Variants in BBS9 observed in about 807,000 individuals in gnomAD.
BBS9 encodes protein PTHB1.
BBS9 carries 89 observed loss-of-function variants against 117.7 expected under a neutral mutation model. That is an observed-to-expected ratio of 0.76 (90% confidence interval 0.64 to 0.90). BBS9 has a LOEUF of 0.90. Among genes scored for constraint, BBS9 ranks in the 40% least tolerant of loss-of-function variants. BBS9 has a pLI of 0.00. For synonymous variants in BBS9, 379 were observed against 370.9 expected (o/e 1.02, Z -0.25); for missense variants, 982 against 1,042.2 (o/e 0.94, Z 0.80).
intron 21 of BBS9, among the ~76,000 whole-genome samples, chr7:33,617,076 A>G (rs1486830309): frequency 6.6e-6 from 1 of 152,078 alleles, no homozygotes; most frequent in Admixed American, 6.6e-5. Flanking sequence ...AGTATTCCAT[A>G]GTGTATATAT....
At chr7:33,343,788 C>T (rs1056981750) in intron 11 of BBS9, among the ~76,000 whole-genome samples, 23 of 152,148 alleles carry the variant, frequency 1.5e-4, no homozygotes, top group African/African-American at 3.4e-4. Flanking sequence ...CATGAGCCAC[C>T]GCACATGGCC....
chr7:33,447,666 A>G (rs1307434927), intron 19 of BBS9, among the ~76,000 whole-genome samples: 1 of 152,218 alleles, frequency 6.6e-6, no homozygotes, highest in Non-Finnish European at 1.5e-5. Flanking sequence ...TGCCTGCGGA[A>G]TGATTAGGTT....
At chr7:33,400,998 T>G (rs1014604720) in intron 19 of BBS9, among the ~76,000 whole-genome samples, 5 of 152,324 alleles carry the variant, frequency 3.3e-5, no homozygotes, top group South Asian at 2.1e-4. Context: ...CCTATCCAAC[T>G]TTACCATGCT....
At chr7:33,184,308 G>C (rs990523504) in intron 5 of BBS9, among the ~76,000 whole-genome samples, 2 of 152,156 alleles carry the variant, frequency 1.3e-5, no homozygotes, top group African/African-American at 2.4e-5. Flanking sequence ...TTCCCCTTTT[G>C]GGGAGAAAAG....
chr7:33,227,258 G>A (rs1005846054), intron 5 of BBS9, among the ~76,000 whole-genome samples: 5 of 150,802 alleles, frequency 3.3e-5, no homozygotes, highest in Admixed American at 6.6e-5. Flanking sequence ...AGTGATTCTC[G>A]TGCTTCAGTC....
In BBS9 at chr7:33,484,780, A is replaced by C. The variant is rs183164664; in HGVS notation, c.2116-20683A>C. The stretch of plus-strand genomic sequence containing the variant: ...GGCAGAAATACCATTTGACTGAGCA[A>C]TCCCATTACTGGGTATATACCCAAA... On this transcript the variant is annotated intron_variant, in intron 19 of 22. Transcript: ENST00000242067. Among the ~76,000 whole-genome samples the C allele has an allele frequency of 3.8e-3, 584 of 152,346 alleles. 2 individuals carry two copies. The highest frequency in any genetic ancestry group is 7.1e-3 in the Non-Finnish European group (483 of 68,024).
At chr7:33,153,314 C>T (rs1793635296) in intron 3 of BBS9, among the ~76,000 whole-genome samples, 1 of 152,094 alleles carries the variant, frequency 6.6e-6, no homozygotes. Flanking sequence ...GTAAGTCTTC[C>T]CCCTACAAGA....
At chr7:33,157,977 G>T (rs1487501926) in intron 4 of BBS9, among the ~76,000 whole-genome samples, 1 of 152,068 alleles carries the variant, frequency 6.6e-6, no homozygotes, top group African/African-American at 2.4e-5. Flanking sequence ...TGAATAAATG[G>T]TTACAGATGT....
chr7:33,323,859 A>C (rs1812248330), intron 9 of BBS9, among the ~76,000 whole-genome samples: 1 of 103,272 alleles, frequency 9.7e-6, no homozygotes, highest in Non-Finnish European at 1.8e-5. Flanking sequence ...TTTTTTTGAG[A>C]CAGGGTCTTG....
intron 16 of BBS9, among the ~76,000 whole-genome samples, chr7:33,367,210 T>A (rs1821939757): frequency 6.6e-6 from 1 of 152,168 alleles, no homozygotes. Context: ...TATTACTAAT[T>A]TTTAAAATAT....
chr7:33,396,359 T>C (rs1236913985), intron 19 of BBS9, among the ~76,000 whole-genome samples: 1 of 152,150 alleles, frequency 6.6e-6, no homozygotes, highest in Non-Finnish European at 1.5e-5. Flanking sequence ...CGGAATGATA[T>C]AAAACATTTT....
Position 33,344,627 on chromosome 7 carries a change from C to T in BBS9, c.1322C>T (p.Thr441Met), listed in dbSNP as rs140675013. The T allele has an allele frequency of 4.7e-5, 76 of 1,613,698 alleles. No individual in the cohort carries two copies. Among genetic ancestry groups the T allele is most frequent in the Admixed American group, 2.5e-4 (15 of 59,998 alleles). The stretch of plus-strand genomic sequence containing the variant: ...GGAACTGACCTTGTCCCTTCTGTCA[C>T]GGTGAAGGTATTGTACCAGATTTTA... ...EVGTDLVPSV[T>M]VKVTLQNRVI... The change falls in exon 12 of 23, where the codon ACG (threonine) becomes ATG (methionine). Residue 441 changes from threonine (T) to methionine (M), a missense_variant. Transcript: ENST00000242067.
At chr7:33,154,140 G>A (rs1018683423) in intron 3 of BBS9, among the ~76,000 whole-genome samples, 1 of 152,126 alleles carries the variant, frequency 6.6e-6, no homozygotes, top group Non-Finnish European at 1.5e-5. Context: ...TGTTTTGAAT[G>A]TCCAGGGTAC....
chr7:33,539,055 T>C (rs1484867721), intron 21 of BBS9, among the ~76,000 whole-genome samples: 1 of 152,196 alleles, frequency 6.6e-6, no homozygotes, highest in Non-Finnish European at 1.5e-5. Flanking sequence ...CTGTTACTAA[T>C]AATAATGAAT....
At chr7:33,172,555 C>T (rs1269194844) in intron 4 of BBS9, among the ~76,000 whole-genome samples, 1 of 152,148 alleles carries the variant, frequency 6.6e-6, no homozygotes, top group Non-Finnish European at 1.5e-5. Flanking sequence ...ATTTTAGCAA[C>T]AATTTTAGAA....
chr7:33,410,519 A>G (rs1830925865), intron 19 of BBS9, among the ~76,000 whole-genome samples: 1 of 152,120 alleles, frequency 6.6e-6, no homozygotes, highest in Admixed American at 6.5e-5. Context: ...AGACAACCTT[A>G]TATTCTGTCT....
At chr7:33,594,920 C>G (rs1862488398) in intron 21 of BBS9, among the ~76,000 whole-genome samples, 1 of 152,084 alleles carries the variant, frequency 6.6e-6, no homozygotes, top group African/African-American at 2.4e-5. Flanking sequence ...ACCATTTCAT[C>G]TTGGACAAAC....
At chr7:33,396,701 T>G (rs907240830) in intron 19 of BBS9, among the ~76,000 whole-genome samples, 1 of 152,096 alleles carries the variant, frequency 6.6e-6, no homozygotes, top group African/African-American at 2.4e-5. Flanking sequence ...GCCAAGACAA[T>G]TGTAAGCAAA....
intron 19 of BBS9, among the ~76,000 whole-genome samples, chr7:33,411,491 C>A (rs1045596897): frequency 3.3e-5 from 5 of 152,186 alleles, no homozygotes; most frequent in African/African-American, 1.2e-4. Context: ...ACATTTATTC[C>A]TTTTTCCTAT....
Sources: allele counts gnomAD v4.1 joint callset (sites outside exome capture counted in the v4.1 genomes callset), GRCh38; gene constraint gnomAD v4.1.1; transcripts MANE v1.5; gene names NCBI Gene and HGNC (gene_info 2026-07-23, HGNC 2026-07-21).